The following TTC6 variants were observed in gnomAD, a reference collection of about 807,000 sequenced individuals.
TTC6 encodes the protein tetratricopeptide repeat protein 6.
In TTC6, 172 loss-of-function variants were observed where a neutral mutation model predicts 210.4. The observed-to-expected ratio is 0.82, with a 90% CI of 0.72 to 0.93. The LOEUF is 0.93. TTC6 is among the 40% of genes least tolerant of loss of function. The probability of loss-of-function intolerance (pLI) is 0.00; values close to 1 mark genes in which losing one functional copy is unlikely to be tolerated. For missense variants in TTC6, 2,414 were observed against 2,318.1 expected, an observed-to-expected ratio of 1.04 and a Z score of -0.85; for synonymous variants, 804 against 819.6, an observed-to-expected ratio of 0.98 and a Z score of 0.32.
intron 5 of TTC6, among the ~76,000 whole-genome samples, chr14:37,712,034 T>A (rs2095845526): frequency 6.6e-6 from 1 of 152,048 alleles, no homozygotes; most frequent in African/African-American, 2.4e-5. Context: ...CGGATAAAAA[T>A]TTCCAGGTAA....
intron 7 of TTC6, among the ~76,000 whole-genome samples, chr14:37,725,903 T>C (rs1326630055): frequency 6.6e-6 from 1 of 152,160 alleles, no homozygotes; most frequent in Admixed American, 6.5e-5. Flanking sequence ...TTCCTTCCCT[T>C]AAAGAAGAAT....
At chr14:37,689,474 A>G (rs909285948) in intron 3 of TTC6, among the ~76,000 whole-genome samples, 1 of 152,142 alleles carries the variant, frequency 6.6e-6, no homozygotes, top group Non-Finnish European at 1.5e-5. Context: ...AGAAGGCTAT[A>G]GAACACCAAG....
rs191769198 is a variant in TTC6 at position 37,677,260 on chromosome 14, G to A, written c.940-2891G>A. ...TTCAGCAATATTTTATACAAGTCTT[G>A]TGGTTTTTTGGTTAAATTTATTTCT... On this transcript the variant is annotated intron_variant, in intron 1 of 30. Coordinates refer to ENST00000553443, the Ensembl canonical transcript of TTC6. 4.6e-5 allele frequency among the ~76,000 whole-genome samples: 7 copies of A among 151,968 alleles called. No individual in the cohort carries two copies. The East Asian group carries it at 7.7e-4, about 17-fold the overall frequency.
chr14:37,622,565 G>C, exon 1 of TTC6: 1 of 1,534,484 alleles, frequency 6.5e-7, no homozygotes, highest in Non-Finnish European at 8.7e-7. Context: ...GCGGGGTCTT[G>C]GAGAGCTCGC....
At chr14:37,723,845 T>G (rs555766663) in intron 6 of TTC6, among the ~76,000 whole-genome samples, 1 of 152,302 alleles carries the variant, frequency 6.6e-6, no homozygotes, top group South Asian at 2.1e-4. Context: ...CCTAAATGAT[T>G]TTAAAAAATT....
chr14:37,808,661 G>T, intron 23 of TTC6, 72 bp from the exon 26 acceptor site: 1 of 790,042 alleles, frequency 1.3e-6, no homozygotes, highest in South Asian at 1.8e-5. Context: ...ATAGAAACAA[G>T]AATTTATTTT....
chr14:37,669,084 T>G (rs2095753676), intron 1 of TTC6, among the ~76,000 whole-genome samples: 1 of 152,222 alleles, frequency 6.6e-6, no homozygotes, highest in South Asian at 2.1e-4. Flanking sequence ...GCCCAAAGAT[T>G]GTCTTTCTTG....
intron 14 of TTC6, among the ~76,000 whole-genome samples, chr14:37,767,326 G>A (rs1339556012): frequency 1.3e-5 from 2 of 152,106 alleles, no homozygotes; most frequent in East Asian, 1.9e-4. Context: ...GTAATGGGAT[G>A]GCTGGGTCAA....
In TTC6 at chr14:37,763,982, G is replaced by A. The variant is rs2095991620; in HGVS notation, c.3266+10747G>A. Among the ~76,000 whole-genome samples the A allele has an allele frequency of 2.0e-5, 3 of 151,652 alleles. No homozygotes were observed. In the South Asian group the frequency reaches 6.2e-4, roughly 31 times the overall value. Reference sequence around the variant, plus strand: ...GCTTTGCTGCATCTCCTAAGTTTTGGTATGTTGTATTACCTTTCATTTGTC... The same window carrying A: ...GCTTTGCTGCATCTCCTAAGTTTTGATATGTTGTATTACCTTTCATTTGTC... On this transcript the variant is annotated intron_variant, in intron 14 of 30. Transcript: ENST00000553443.
At chr14:37,834,671 A>C (rs2096193720) in intron 29 of TTC6, among the ~76,000 whole-genome samples, 1 of 152,110 alleles carries the variant, frequency 6.6e-6, no homozygotes, top group Non-Finnish European at 1.5e-5. Flanking sequence ...CAAACATTTC[A>C]CAAAATTTCT....
At chr14:37,791,597 A>T (rs1245540055) in intron 16 of TTC6, among the ~76,000 whole-genome samples, 1 of 152,128 alleles carries the variant, frequency 6.6e-6, no homozygotes, top group Admixed American at 6.5e-5. Flanking sequence ...GACATTTTTG[A>T]GCCAGAAAGA....
At chr14:37,741,273 CTTTTTTTTTTTTTTTTTTTTTTT>C (rs10600031) in intron 10 of TTC6, among the ~76,000 whole-genome samples, 86 of 82,300 alleles carry the variant, frequency 1.0e-3, no homozygotes, top group African/African-American at 4.2e-3. Flanking sequence ...TTTTTTCCCA[CTTTTTTTTTTTTTTTTTTTTTTT>C]TTTTTTTTTT....
intron 1 of TTC6, among the ~76,000 whole-genome samples, chr14:37,634,477 G>A (rs1595041300): frequency 6.6e-6 from 1 of 152,156 alleles, no homozygotes; most frequent in Admixed American, 6.5e-5. Context: ...AGAGCCTTAC[G>A]GACCTGTGGG....
chr14:37,737,613 G>A (rs4901157), intron 8 of TTC6, 47 bp from the exon 11 acceptor site: 750,150 of 1,090,336 alleles, frequency 0.69, 262,018 homozygotes, highest in East Asian at 0.9. Context: ...TAGCTTATCA[G>A]ATAGTATCTG....
chr14:37,780,005 T>C (rs1957583), intron 14 of TTC6, among the ~76,000 whole-genome samples: 39,606 of 151,994 alleles, frequency 0.26, 5,225 homozygotes, highest in South Asian at 0.29. Context: ...GATGAAGGTC[T>C]GAATTACTGA....
chr14:37,710,753 C>T (rs2095843339), intron 5 of TTC6, among the ~76,000 whole-genome samples: 1 of 152,084 alleles, frequency 6.6e-6, no homozygotes, highest in South Asian at 2.1e-4. Flanking sequence ...TCCACTATAT[C>T]AGTGATTTTT....
chr14:37,714,908 T>C, intron 6 of TTC6, 112 bp downstream of exon 8: 1 of 1,004,134 alleles, frequency 1.0e-6, no homozygotes, highest in Non-Finnish European at 1.4e-6. Context: ...CCAGGTGTGG[T>C]AGCTCACGCC....
chr14:37,717,785 A>C (rs1291409021), intron 6 of TTC6, among the ~76,000 whole-genome samples: 1 of 151,488 alleles, frequency 6.6e-6, no homozygotes, highest in Admixed American at 6.6e-5. Context: ...AAGAAAGAAA[A>C]ATGCAGACCA....
upstream of TTC6, among the ~76,000 whole-genome samples, chr14:37,620,149 G>A (rs12891108): frequency 0.056 from 8,453 of 152,138 alleles, 361 homozygotes; most frequent in Non-Finnish European, 0.087. Context: ...CTGTTGCCCA[G>A]GCTAGAGTCC....
Sources: allele counts gnomAD v4.1 joint callset (sites outside exome capture counted in the v4.1 genomes callset), GRCh38; gene constraint gnomAD v4.1.1; transcripts MANE v1.5; gene names NCBI Gene and HGNC (gene_info 2026-07-23, HGNC 2026-07-21).